The following DENND2B variants were observed in gnomAD, a reference collection of about 807,000 sequenced individuals.
DENND2B encodes the protein DENN domain containing 2B.
A neutral mutation model predicts 116.0 loss-of-function variants in DENND2B; 32 were observed. The observed-to-expected ratio is 0.28, with a 90% CI of 0.21 to 0.37. The LOEUF is 0.37. Ranked by LOEUF, DENND2B falls within the 10% of genes least tolerant of loss-of-function variation. The probability of loss-of-function intolerance (pLI) is 1.00; values close to 1 mark genes in which losing one functional copy is unlikely to be tolerated. For missense variants in DENND2B, 1,276 were observed against 1,477.7 expected (o/e 0.86, Z 2.24); for synonymous variants, 588 against 583.9 (o/e 1.01, Z -0.10).
chr11:8,769,689 G>A (rs1308863629), intron 1 of DENND2B, among the ~76,000 whole-genome samples: 1 of 152,110 alleles, frequency 6.6e-6, no homozygotes. Context: ...GCCACCTGTT[G>A]CAGTGGCCAC....
intron 3 of DENND2B, among the ~76,000 whole-genome samples, chr11:8,853,502 T>G (rs2134653567): frequency 6.6e-6 from 1 of 152,306 alleles, no homozygotes; most frequent in East Asian, 1.9e-4. Context: ...CTTTCCAGGT[T>G]CCAGAACTGT....
At chr11:8,698,399 G>C (rs1379359220) in intron 16 of DENND2B, among the ~76,000 whole-genome samples, 1 of 152,174 alleles carries the variant, frequency 6.6e-6, no homozygotes, top group Non-Finnish European at 1.5e-5. Flanking sequence ...GGAGTCCTCA[G>C]CTCCGTCATT....
intron 9 of DENND2B, among the ~76,000 whole-genome samples, chr11:8,711,502 C>T (rs902491710): frequency 2.0e-5 from 3 of 152,052 alleles, no homozygotes; most frequent in Non-Finnish European, 4.4e-5. Flanking sequence ...ACAAGGTCCC[C>T]GACCTTACAC....
At chr11:8,903,742 T>A (rs1280599429) in intron 1 of DENND2B, among the ~76,000 whole-genome samples, 1 of 151,320 alleles carries the variant, frequency 6.6e-6, no homozygotes, top group Non-Finnish European at 1.5e-5. Context: ...AAAAATTAGG[T>A]GGGCCTAGTG....
At chr11:8,800,616 T>G (rs1190795286) in intron 1 of DENND2B, among the ~76,000 whole-genome samples, 4 of 152,210 alleles carry the variant, frequency 2.6e-5, no homozygotes, top group Non-Finnish European at 5.9e-5. Flanking sequence ...GAACTCCCTA[T>G]TCTGCCCTAG....
intron 3 of DENND2B, among the ~76,000 whole-genome samples, chr11:8,727,868 G>A (rs994433088): frequency 4.7e-5 from 7 of 149,198 alleles, no homozygotes; most frequent in East Asian, 2.0e-4. Flanking sequence ...CCAACATGCT[G>A]TCTCTCATTA....
At chr11:8,733,803 C>T (rs187307541) in intron 2 of DENND2B, among the ~76,000 whole-genome samples, 12 of 152,310 alleles carry the variant, frequency 7.9e-5, no homozygotes, top group East Asian at 3.9e-4. Context: ...GGCTCCAGCA[C>T]GAATAAATCC....
chr11:8,799,501 G>C (rs987713732), intron 1 of DENND2B, among the ~76,000 whole-genome samples: 7 of 150,926 alleles, frequency 4.6e-5, no homozygotes, highest in Non-Finnish European at 1.0e-4. Context: ...CCATTGCCAA[G>C]CTTGTCTCAC....
chr11:8,830,123 T>C (rs2062145593), intron 4 of DENND2B, among the ~76,000 whole-genome samples: 2 of 152,112 alleles, frequency 1.3e-5, no homozygotes, highest in Non-Finnish European at 2.9e-5. Context: ...TTTTCATCGA[T>C]CTACAGGAGA....
Position 8,730,041 on chromosome 11 carries a change from C to T in DENND2B, c.1249G>A (p.Ala417Thr). 6.2e-7 allele frequency: 1 copy of T among 1,614,152 alleles called. No individual in the cohort carries two copies. ...SNGLPPSPTP[A>T]APPPLPSTPA... The stretch of plus-strand genomic sequence containing the variant: ...GTGGAGGGCAAGGGAGGTGGAGCAG[C>T]AGGTGTGGGTGAAGGAGGTAGACCA... The change falls in exon 3 of 20, where the codon GCT (alanine) becomes ACT (threonine). Residue 417 changes from alanine to threonine, a missense_variant. Coordinates refer to ENST00000313726, the MANE Select transcript of DENND2B (RefSeq NM_213618.2). The surrounding 1 kb of genome is among the most constrained non-coding windows in gnomAD (Gnocchi z 4.1).
rs377766026 is a variant in DENND2B, at chr11:8,713,969, C to A, written c.1987+29G>T. 9.9e-6 allele frequency: 16 copies of A among 1,613,572 alleles called. No individual in the cohort carries two copies. The African/African-American group carries it at 1.9e-4, about 19-fold the overall frequency. ...ATTCCCTGCAGCCCTGCTGGGAGAG[C>A]TTCCGTACTCATGGGAGCTGTGCCT... On this transcript the variant is annotated intron_variant, in intron 8 of 19. Coordinates refer to ENST00000313726, the MANE Select transcript of DENND2B (RefSeq NM_213618.2).
At chr11:8,783,704 C>T (rs140018003) in intron 1 of DENND2B, among the ~76,000 whole-genome samples, 29 of 151,968 alleles carry the variant, frequency 1.9e-4, no homozygotes, top group Middle Eastern at 3.2e-3. Context: ...GTTAATTTCA[C>T]GCAAAAAGAA....
intron 4 of DENND2B, among the ~76,000 whole-genome samples, chr11:8,821,110 ACT>A (rs1215180275): frequency 6.9e-6 from 1 of 144,088 alleles, no homozygotes; most frequent in Non-Finnish European, 1.5e-5. Context: ...ACAGAGCGAG[ACT>A]CTGCCTCAAA....
intron 4 of DENND2B, among the ~76,000 whole-genome samples, chr11:8,719,892 G>A (rs955482230): frequency 6.6e-6 from 1 of 152,166 alleles, no homozygotes; most frequent in Admixed American, 6.5e-5. Context: ...CAACCTATAG[G>A]AAGCCTTGTC....
At chr11:8,874,561 C>T (rs1402182969), upstream of DENND2B, among the ~76,000 whole-genome samples, 3 of 152,076 alleles carry the variant, frequency 2.0e-5, no homozygotes, top group Non-Finnish European at 2.9e-5. Context: ...GTTTGCAGGT[C>T]TAGCACTCAC....
At chr11:8,865,997 T>A (rs1023350784) in intron 2 of DENND2B, among the ~76,000 whole-genome samples, 2 of 152,110 alleles carry the variant, frequency 1.3e-5, no homozygotes, top group African/African-American at 4.8e-5. Flanking sequence ...TCTCGCTCTG[T>A]CGCCCAGGCT....
chr11:8,907,569 GTTTCA>G (rs1310418046), intron 1 of DENND2B, among the ~76,000 whole-genome samples: 13 of 152,212 alleles, frequency 8.5e-5, no homozygotes, highest in Non-Finnish European at 1.9e-4. Flanking sequence ...TTTGGTTTCA[GTTTCA>G]TTTCAAGCAT....
At chr11:8,831,844 G>A (rs1249920502) in intron 4 of DENND2B, 2 of 152,170 alleles carry the variant, frequency 1.3e-5, no homozygotes, top group African/African-American at 4.8e-5. Flanking sequence ...AGGAGCTGAT[G>A]ATGCTGGGTG....
chr11:8,847,343 G>C (rs2062851048), intron 3 of DENND2B, among the ~76,000 whole-genome samples: 1 of 152,126 alleles, frequency 6.6e-6, no homozygotes, highest in Non-Finnish European at 1.5e-5. Context: ...ATTATAATTA[G>C]GTGATCATTA....
Sources: gnomAD v4.1 joint callset for allele counts (sites outside exome capture counted in the v4.1 genomes callset) on GRCh38, gnomAD v4.1.1 for gene constraint, Gnocchi (gnomAD v3.1) non-coding constraint, MANE v1.5 for transcripts, NCBI Gene and HGNC (gene_info 2026-07-23, HGNC 2026-07-21) for gene names.